The following PPP2R5A variants were observed in gnomAD, a reference collection of about 807,000 sequenced individuals.
The protein encoded by PPP2R5A is protein phosphatase 2 regulatory subunit B'alpha, also known as serine/threonine-protein phosphatase 2A 56 kDa regulatory subunit alpha isoform.
Under a neutral mutation model 64.2 loss-of-function variants are expected in PPP2R5A, and 25 were observed. The ratio of observed to expected loss-of-function variants is 0.39; its 90% CI spans 0.28 to 0.54. The LOEUF (loss-of-function observed/expected upper bound fraction) is 0.54. PPP2R5A is among the 20% of genes least tolerant of loss of function. PPP2R5A has a pLI of 0.67. For missense variants in PPP2R5A, 425 were observed against 576.3 expected (o/e 0.74, Z 2.69); for synonymous variants, 198 against 201.2 (o/e 0.98, Z 0.13).
At chr1:212,289,622 C>T (rs73080567) in intron 1 of PPP2R5A, among the ~76,000 whole-genome samples, 10,317 of 152,042 alleles carry the variant, frequency 0.068, 1,148 homozygotes, top group African/African-American at 0.23. Flanking sequence ...AAGTCGTTTT[C>T]CTTATCTGTA....
chr1:212,297,491 G>A (rs1340716459), intron 1 of PPP2R5A: 1 of 152,162 alleles, frequency 6.6e-6, no homozygotes, highest in East Asian at 1.9e-4. Context: ...AGCTGAATGA[G>A]TAAGTCTTTA....
chr1:212,320,426 T>C (rs1659250489), intron 1 of PPP2R5A, among the ~76,000 whole-genome samples: 1 of 152,150 alleles, frequency 6.6e-6, no homozygotes, highest in Non-Finnish European at 1.5e-5. Flanking sequence ...AAAACCGCCA[T>C]TGTCATCATG....
At chr1:212,329,365 G>C in intron 2 of PPP2R5A, 34 bp downstream of exon 2, 3 of 1,420,680 alleles carry the variant, frequency 2.1e-6, no homozygotes, top group Non-Finnish European at 2.8e-6. Context: ...TCAGATTTAT[G>C]TAAATTTAAG....
chr1:212,289,215 A>G (rs546236096), intron 1 of PPP2R5A, among the ~76,000 whole-genome samples: 78 of 152,356 alleles, frequency 5.1e-4, no homozygotes, highest in African/African-American at 1.9e-3. Context: ...CTTAAATTAT[A>G]AAACAGTATT....
chr1:212,306,492 GAT>G (rs1262454128), intron 1 of PPP2R5A, among the ~76,000 whole-genome samples: 1 of 152,008 alleles, frequency 6.6e-6, no homozygotes, highest in Non-Finnish European at 1.5e-5. Context: ...ATCTATTTAA[GAT>G]ATGAGACAAA....
Position 212,360,787 on chromosome 1 carries a change from C to T in PPP2R5A, c.*17C>T. 1 of 1,511,048 alleles carries T rather than the reference C, an allele frequency of 6.6e-7. No individual in the cohort carries two copies. The highest frequency in any genetic ancestry group is 8.8e-7 in the Non-Finnish European group (1 of 1,135,358). The allele number at this position is 1,511,048 out of a possible 1,614,324, so 93.6% of individuals were successfully genotyped here. ...GCCGAATAAAAAAAAAGCCTCCCAC[C>T]TCTGCCGGATAGGCAGAGTTTTGTA... On this transcript the variant is annotated 3_prime_UTR_variant, in exon 13 of 13. Coordinates refer to ENST00000261461, the MANE Select transcript of PPP2R5A (RefSeq NM_006243.4).
At chr1:212,298,872 C>T (rs1474105518) in intron 1 of PPP2R5A, among the ~76,000 whole-genome samples, 13 of 33,688 alleles carry the variant, frequency 3.9e-4, no homozygotes, top group Admixed American at 8.8e-4. Flanking sequence ...GCTGGCCAGG[C>T]GGGGGGCTGA....
At chr1:212,296,752 CA>C (rs2102412178) in intron 1 of PPP2R5A, among the ~76,000 whole-genome samples, 1 of 152,162 alleles carries the variant, frequency 6.6e-6, no homozygotes, top group East Asian at 1.9e-4. Flanking sequence ...AAGAATGAAG[CA>C]AAAGCTATTA....
chr1:212,351,439 GTT>G (rs1452305514), intron 8 of PPP2R5A, among the ~76,000 whole-genome samples: 2 of 151,860 alleles, frequency 1.3e-5, no homozygotes, highest in Non-Finnish European at 2.9e-5. Flanking sequence ...GCTTTTGTTA[GTT>G]TATTACTCAA....
intron 1 of PPP2R5A, among the ~76,000 whole-genome samples, chr1:212,324,979 G>A (rs1410569513): frequency 6.6e-6 from 1 of 152,008 alleles, no homozygotes; most frequent in African/African-American, 2.4e-5. Context: ...CACCAATTTT[G>A]AACTTCTCCT....
chr1:212,288,257 C>G (rs1169568718), intron 1 of PPP2R5A, among the ~76,000 whole-genome samples: 1 of 152,164 alleles, frequency 6.6e-6, no homozygotes, highest in African/African-American at 2.4e-5. Context: ...CTCAGGTGAT[C>G]AGGCCACCTC....
At chr1:212,342,419 ATAAAAG>A in intron 4 of PPP2R5A, 139 bp downstream of exon 4, 1 of 1,176,762 alleles carries the variant, frequency 8.5e-7, no homozygotes, top group Non-Finnish European at 1.1e-6. Context: ...AACCATTAGA[ATAAAAG>A]TGAAGTTAGC....
intron 1 of PPP2R5A, among the ~76,000 whole-genome samples, chr1:212,307,074 A>C (rs1391074227): frequency 1.3e-5 from 2 of 152,050 alleles, no homozygotes; most frequent in Non-Finnish European, 1.5e-5. Flanking sequence ...ATCCATTTAC[A>C]CTTAATGTAG....
chr1:212,319,811 T>C (rs1659232027), intron 1 of PPP2R5A, among the ~76,000 whole-genome samples: 2 of 151,596 alleles, frequency 1.3e-5, no homozygotes, highest in South Asian at 4.2e-4. Context: ...TTAGTAGAGG[T>C]GGGGTTTCAC....
Position 212,290,542 on chromosome 1 carries a change from A to G in PPP2R5A, c.181+4251A>G, listed in dbSNP as rs573334864. The stretch of plus-strand genomic sequence containing the variant: ...TTAAAAAATTTAAAACATTTTTAGG[A>G]TATTCTTAAGAGAAATTGCTAAATA... On this transcript the variant is annotated intron_variant, in intron 1 of 12. Transcript: ENST00000261461. Among the ~76,000 whole-genome samples, 7 of 152,338 alleles carry G rather than the reference A, an allele frequency of 4.6e-5. No homozygotes were observed. The Middle Eastern group carries it at 0.01, about 224-fold the overall frequency.
At chr1:212,319,216 A>G (rs547252948) in intron 1 of PPP2R5A, among the ~76,000 whole-genome samples, 1 of 152,374 alleles carries the variant, frequency 6.6e-6, no homozygotes, top group South Asian at 2.1e-4. Flanking sequence ...TACTCAGGGC[A>G]TGATCCAAAA....
At chr1:212,329,096 G>T in intron 1 of PPP2R5A, 39 bp from the exon 2 acceptor site, 1 of 1,354,494 alleles carries the variant, frequency 7.4e-7, no homozygotes, top group East Asian at 2.6e-5. Context: ...TAACTTCTGA[G>T]TAGGTTATTT....
At chr1:212,339,557 A>G (rs1659651992) in intron 3 of PPP2R5A, among the ~76,000 whole-genome samples, 2 of 152,170 alleles carry the variant, frequency 1.3e-5, no homozygotes, top group South Asian at 4.1e-4. Context: ...TTTGCTGCTA[A>G]TTTTGACTGA....
Position 212,358,636 on chromosome 1 carries a change from C to A in PPP2R5A, c.1227-50C>A, listed in dbSNP as rs544542815. ...TTTTAGAGACCATAGTGTTACATTT[C>A]CTCTCTGTTAGCAGTATCATAACTC... On this transcript the variant is annotated intron_variant, in intron 11 of 12. Coordinates refer to ENST00000261461, the MANE Select transcript of PPP2R5A (RefSeq NM_006243.4). The A allele has an allele frequency of 5.2e-6, 7 of 1,333,966 alleles. No individual in the cohort carries two copies. In the South Asian group the frequency reaches 6.1e-5, roughly 12 times the overall value. The allele number at this position is 1,333,966 out of a possible 1,614,324, so 82.6% of individuals were successfully genotyped here.
Sources: gnomAD v4.1 joint callset for allele counts (sites outside exome capture counted in the v4.1 genomes callset) on GRCh38, gnomAD v4.1.1 for gene constraint, MANE v1.5 for transcripts, NCBI Gene and HGNC (gene_info 2026-07-23, HGNC 2026-07-21) for gene names.